The following RALYL variants were observed in gnomAD, a reference collection of about 807,000 sequenced individuals.
RALYL encodes the protein RNA-binding Raly-like protein.
Under a neutral mutation model 35.1 loss-of-function variants are expected in RALYL, and 29 were observed. That is an observed-to-expected ratio of 0.83 (90% CI 0.61 to 1.13). The LOEUF (loss-of-function observed/expected upper bound fraction) is 1.13, where lower values mean the gene tolerates loss of function less well. RALYL is among the 50% of genes most tolerant of loss of function. RALYL has a pLI of 0.00. For missense variants in RALYL, 359 were observed against 360.4 expected (o/e 1.00, Z 0.03); for synonymous variants, 120 against 127.6 (o/e 0.94, Z 0.40).
chr8:84,892,076 G>A lies in RALYL; in HGVS notation c.858+4300G>A, dbSNP rs187331127. Among the ~76,000 whole-genome samples the A allele has an allele frequency of 5.3e-5, 8 of 152,240 alleles. No homozygotes were observed. The South Asian group carries it at 1.7e-3, about 32-fold the overall frequency. On this transcript the variant is annotated intron_variant, in intron 8 of 8. Coordinates refer to ENST00000521268, the MANE Select transcript of RALYL (RefSeq NM_173848.7). ...TGTAGGTGGTGGTGCCCCTTGTGAG[G>A]TGGTGAGAAGCCAAAGATATGAGCA...
At chr8:84,429,438 C>G (rs902464558) in intron 1 of RALYL, among the ~76,000 whole-genome samples, 11 of 152,032 alleles carry the variant, frequency 7.2e-5, no homozygotes, top group African/African-American at 2.4e-4. Context: ...CATTTTGGAC[C>G]AGTACTTTCA....
chr8:84,577,889 G>A (rs1160661606), intron 2 of RALYL, among the ~76,000 whole-genome samples: 2 of 152,138 alleles, frequency 1.3e-5, no homozygotes, highest in African/African-American at 4.8e-5. Flanking sequence ...AGTAAATAGA[G>A]CACCCTTAAC....
intron 1 of RALYL, among the ~76,000 whole-genome samples, chr8:84,246,967 G>A (rs1829229832): frequency 6.6e-6 from 1 of 152,176 alleles, no homozygotes; most frequent in Non-Finnish European, 1.5e-5. Flanking sequence ...GCTATGTCCA[G>A]ATCCTAGCTT....
At chr8:84,855,066 G>A (rs1368040001) in intron 5 of RALYL, among the ~76,000 whole-genome samples, 2 of 152,188 alleles carry the variant, frequency 1.3e-5, no homozygotes, top group African/African-American at 4.8e-5. Flanking sequence ...AACTAGATTG[G>A]GGTAATGCTG....
chr8:84,198,150 T>C (rs1815874624), intron 1 of RALYL, among the ~76,000 whole-genome samples: 1 of 152,158 alleles, frequency 6.6e-6, no homozygotes, highest in Non-Finnish European at 1.5e-5. Context: ...TTCATGACAA[T>C]TATCTCTAAA....
intron 2 of RALYL, among the ~76,000 whole-genome samples, chr8:84,687,413 AAAC>A: frequency 6.6e-6 from 1 of 152,242 alleles, no homozygotes; most frequent in East Asian, 1.9e-4. Flanking sequence ...ACCCGAGTGA[AAAC>A]AACATTATTA....
intron 1 of RALYL, among the ~76,000 whole-genome samples, chr8:84,481,318 A>T (rs1378268623): frequency 2.6e-5 from 4 of 152,128 alleles, no homozygotes; most frequent in African/African-American, 9.7e-5. Context: ...TGTAGAATTC[A>T]TGAGTATTTT....
chr8:84,658,237 G>A (rs775605269), intron 2 of RALYL, among the ~76,000 whole-genome samples: 4 of 152,230 alleles, frequency 2.6e-5, no homozygotes, highest in Non-Finnish European at 5.9e-5. Context: ...TATTGAATAT[G>A]TGTATTTGGC....
chr8:84,579,184 G>T (rs1213190366), intron 2 of RALYL, among the ~76,000 whole-genome samples: 2 of 152,198 alleles, frequency 1.3e-5, no homozygotes, highest in African/African-American at 2.4e-5. Flanking sequence ...GGCCAAGGCA[G>T]CAGGAGGCAG....
intron 2 of RALYL, among the ~76,000 whole-genome samples, chr8:84,574,089 T>C (rs1204537139): frequency 2.6e-5 from 4 of 152,054 alleles, no homozygotes; most frequent in Non-Finnish European, 5.9e-5. Flanking sequence ...TAGTAGTCTT[T>C]AAAGAGTTTA....
chr8:84,588,095 A>AG (rs1812393206), intron 2 of RALYL, among the ~76,000 whole-genome samples: 1 of 152,154 alleles, frequency 6.6e-6, no homozygotes. Context: ...TTGAAGGTCC[A>AG]GGGTGGCATC....
chr8:84,827,881 A>G (rs1830049273), intron 4 of RALYL, among the ~76,000 whole-genome samples: 1 of 152,104 alleles, frequency 6.6e-6, no homozygotes, highest in Admixed American at 6.5e-5. Flanking sequence ...TAACAAATGA[A>G]TAATTATTAA....
intron 8 of RALYL, among the ~76,000 whole-genome samples, chr8:84,915,712 C>G (rs1177101365): frequency 1.3e-5 from 2 of 152,086 alleles, no homozygotes; most frequent in East Asian, 3.9e-4. Context: ...CTGAACCACT[C>G]TGATTCTCTG....
At chr8:84,478,193 A>G (rs2053636735) in intron 1 of RALYL, among the ~76,000 whole-genome samples, 1 of 152,128 alleles carries the variant, frequency 6.6e-6, no homozygotes, top group South Asian at 2.1e-4. Flanking sequence ...ATGTTGATAC[A>G]TGCTTATTTG....
intron 2 of RALYL, among the ~76,000 whole-genome samples, chr8:84,558,939 T>C (rs1271414092): frequency 1.3e-5 from 2 of 152,078 alleles, no homozygotes; most frequent in Admixed American, 1.3e-4. Flanking sequence ...AGGAACACAA[T>C]AGTAATCAAC....
chr8:84,622,703 A>G (rs1305655697), intron 2 of RALYL, among the ~76,000 whole-genome samples: 1 of 152,202 alleles, frequency 6.6e-6, no homozygotes, highest in Non-Finnish European at 1.5e-5. Context: ...GTCTGCTGGC[A>G]TCAATGAGGT....
At chr8:84,787,865 G>A (rs569534950) in intron 3 of RALYL, among the ~76,000 whole-genome samples, 3 of 152,090 alleles carry the variant, frequency 2.0e-5, no homozygotes, top group Non-Finnish European at 4.4e-5. Flanking sequence ...TTTTTGATGG[G>A]GTTGTTTTTT....
intron 1 of RALYL, among the ~76,000 whole-genome samples, chr8:84,205,895 G>A (rs796973678): frequency 4.6e-5 from 7 of 152,254 alleles, no homozygotes; most frequent in African/African-American, 1.7e-4. Context: ...GTGTTGCCAG[G>A]TTTGATTCTT....
At chr8:84,736,817 C>G (rs559076568) in intron 2 of RALYL, among the ~76,000 whole-genome samples, 47 of 152,084 alleles carry the variant, frequency 3.1e-4, no homozygotes, top group Middle Eastern at 3.4e-3. Flanking sequence ...AATCATTGTT[C>G]TTATTGTTAT....
Sources: allele counts gnomAD v4.1 joint callset (sites outside exome capture counted in the v4.1 genomes callset), GRCh38; gene constraint gnomAD v4.1.1; transcripts MANE v1.5; gene names NCBI Gene and HGNC (gene_info 2026-07-23, HGNC 2026-07-21).